HSF1: variants seen among roughly 807,000 people sequenced by gnomAD.
The protein encoded by HSF1 is heat shock transcription factor 1, also known as heat shock factor protein 1.
Under a neutral mutation model 51.7 loss-of-function variants are expected in HSF1, and 32 were observed. The ratio of observed to expected loss-of-function variants is 0.62; its 90% confidence interval spans 0.47 to 0.83. The LOEUF (loss-of-function observed/expected upper bound fraction) is 0.83. Ranked by LOEUF, HSF1 falls within the 40% of genes least tolerant of loss-of-function variation. The pLI is 0.00. For synonymous variants in HSF1, 396 were observed against 309.7 expected, an observed-to-expected ratio of 1.28 and a Z score of -2.92; for missense variants, 727 against 717.0, an observed-to-expected ratio of 1.01 and a Z score of -0.16.
intron 9 of HSF1, chr8:144,313,234 T>C: frequency 2.1e-6 from 1 of 474,690 alleles, no homozygotes; most frequent in South Asian, 2.6e-5. Flanking sequence ...GTGCTGGAGC[T>C]GAATACGCCC....
intron 9 of HSF1, 126 bp downstream of exon 9, chr8:144,312,370 A>G (rs62530366): frequency 0.36 from 271,884 of 761,490 alleles, 50,891 homozygotes; most frequent in East Asian, 0.48. Flanking sequence ...CCAACCTCGG[A>G]GCTCGGGGCT....
At chr8:144,294,288 C>T (rs1554840931) in intron 1 of HSF1, among the ~76,000 whole-genome samples, 1 of 152,124 alleles carries the variant, frequency 6.6e-6, no homozygotes, top group African/African-American at 2.4e-5. Context: ...ACTTTGAGAG[C>T]ACTCACACAA....
chr8:144,303,728 A>C (rs1402595948), intron 1 of HSF1, among the ~76,000 whole-genome samples: 1 of 152,102 alleles, frequency 6.6e-6, no homozygotes, highest in African/African-American at 2.4e-5. Flanking sequence ...AAATATAAAA[A>C]TAAGCCGGGC....
rs782774400 is a variant in HSF1, at chr8:144,314,340, A to T, written c.*10A>T. On this transcript the variant is annotated 3_prime_UTR_variant, in exon 13 of 13. Transcript: ENST00000528838. ...CCCCACTGTCTCCTAGAGGCCCCGG[A>T]GGAGCTGGGCCAGCCGCCCACCCCC... 6.5e-7 allele frequency: 1 copy of T among 1,542,918 alleles called. No individual in the cohort carries two copies. The highest frequency in any genetic ancestry group is 1.2e-5 in the South Asian group (1 of 83,952).
In HSF1 at chr8:144,297,831, C is replaced by G. The variant is rs1394017613; in HGVS notation, c.117+5957C>G. Reference sequence around the variant, plus strand: ...GGCTGTGGGGCCACCTTGTAGAATACGGCACTGTTCACGTTTTGGGCCAGG... The same window carrying G: ...GGCTGTGGGGCCACCTTGTAGAATAGGGCACTGTTCACGTTTTGGGCCAGG... On this transcript the variant is annotated intron_variant, in intron 1 of 12. Coordinates refer to ENST00000528838, the MANE Select transcript of HSF1 (RefSeq NM_005526.4). This position sits in a 1 kb window ranked among gnomAD's most constrained non-coding sequence, Gnocchi z 4.6. 6.6e-6 allele frequency among the ~76,000 whole-genome samples: 1 copy of G among 152,172 alleles called. No homozygotes were observed. Among genetic ancestry groups the G allele is most frequent in the Non-Finnish European group, 1.5e-5 (1 of 68,030 alleles).
chr8:144,312,608 CTTG>C, intron 9 of HSF1: 1 of 1,533,858 alleles, frequency 6.5e-7, no homozygotes, highest in Non-Finnish European at 8.7e-7. Context: ...AATGGGGGCT[CTTG>C]TTTTTGTATC....
At chr8:144,299,643 C>T (rs1372652191) in intron 1 of HSF1, among the ~76,000 whole-genome samples, 1 of 152,070 alleles carries the variant, frequency 6.6e-6, no homozygotes, top group East Asian at 1.9e-4. Context: ...GGCGTGGTGG[C>T]TCACACCTGT....
chr8:144,311,800 G>A lies in HSF1; in HGVS notation c.824G>A (p.Ser275Asn). The change falls in exon 8 of 13, where the codon AGC (serine) becomes AAC (asparagine). Residue 275 changes from serine to asparagine, a missense_variant. Ser to Asn is a conservative substitution (Grantham distance 46). Transcript: ENST00000528838. ...GACATCACCGAGCTGGCTCCTGCCAGCCCCATGGCCTCCCCCGGCGGGAGC... is the reference window on the plus strand; with the variant it reads ...GACATCACCGAGCTGGCTCCTGCCAACCCCATGGCCTCCCCCGGCGGGAGC... ...ISDITELAPA[S>N]PMASPGGSID... 1 of 1,612,084 alleles carries A rather than the reference G, an allele frequency of 6.2e-7. No individual in the cohort carries two copies. Among genetic ancestry groups the A allele is most frequent in the South Asian group, 1.1e-5 (1 of 90,968 alleles).
In HSF1 at chr8:144,309,622, C is replaced by A. The variant is rs367807963; in HGVS notation, c.363+31C>A. On this transcript the variant is annotated intron_variant, in intron 3 of 12. Coordinates refer to ENST00000528838, the MANE Select transcript of HSF1 (RefSeq NM_005526.4). ...TGCCGGCCCTGCACCCTTGCCCGGTCTCACCTGCCACAGCTCTCCCCGCCC... is the reference window on the plus strand; with the variant it reads ...TGCCGGCCCTGCACCCTTGCCCGGTATCACCTGCCACAGCTCTCCCCGCCC... The A allele has an allele frequency of 1.9e-6, 3 of 1,611,188 alleles. No individual in the cohort carries two copies. The African/African-American group carries it at 4.0e-5, about 22-fold the overall frequency.
intron 9 of HSF1, chr8:144,312,540 G>C (rs1019344918): frequency 8.2e-7 from 1 of 1,215,458 alleles, no homozygotes; most frequent in Non-Finnish European, 1.2e-6. Flanking sequence ...GTGCTGCCCA[G>C]ACACATGGCA....
At chr8:144,301,479 A>G (rs1815864532) in intron 1 of HSF1, among the ~76,000 whole-genome samples, 1 of 152,210 alleles carries the variant, frequency 6.6e-6, no homozygotes, top group Non-Finnish European at 1.5e-5. Context: ...CAAATCCAAG[A>G]ATATCAGTCT....
intron 9 of HSF1, chr8:144,312,760 G>T (rs754030217): frequency 1.4e-5 from 20 of 1,479,072 alleles, no homozygotes; most frequent in Non-Finnish European, 1.6e-5. Flanking sequence ...CCAGCGCTCG[G>T]GCCCTCCCAC....
rs1162674713 is a variant in HSF1 at position 144,312,357 on chromosome 8, C to T, written c.1142+113C>T. ...GGGCAGCTGGCGAGGCAGGACCCTA[C>T]CCCCAACCTCGGAGCTCGGGGCTGG... On this transcript the variant is annotated intron_variant, in intron 9 of 12. Transcript: ENST00000528838. 33 of 852,756 alleles carry T rather than the reference C, an allele frequency of 3.9e-5. No homozygotes were observed. The Admixed American group carries it at 8.2e-4, about 21-fold the overall frequency. The allele number at this position is 852,756 out of a possible 1,614,324, so 52.8% of individuals were successfully genotyped here.
intron 1 of HSF1, among the ~76,000 whole-genome samples, chr8:144,301,781 C>T (rs929816124): frequency 1.3e-5 from 2 of 151,542 alleles, no homozygotes; most frequent in East Asian, 1.9e-4. Context: ...AGGAGAATGG[C>T]GTGAACCCGG....
At chr8:144,309,643 C>CCCCCCCCCCCCCCCCA (rs2130427230) in intron 3 of HSF1, 52 bp downstream of exon 3, 1 of 1,603,300 alleles carries the variant, frequency 6.2e-7, no homozygotes, top group Non-Finnish European at 8.5e-7. Context: ...CAGCTCTCCC[C>CCCCCCCCCCCCCCCCA]GCCCGCCCCT....
intron 1 of HSF1, among the ~76,000 whole-genome samples, chr8:144,292,846 T>C (rs1206103364): frequency 1.3e-5 from 2 of 152,098 alleles, no homozygotes; most frequent in Admixed American, 6.5e-5. Context: ...CCTGTGGTCT[T>C]AGCTACTTGG....
At chr8:144,296,574 G>GGATC (rs1815475179) in intron 1 of HSF1, among the ~76,000 whole-genome samples, 2 of 152,154 alleles carry the variant, frequency 1.3e-5, no homozygotes, top group African/African-American at 4.8e-5. Flanking sequence ...TGAGGTGGGC[G>GGATC]GATCACGAGA....
intron 1 of HSF1, among the ~76,000 whole-genome samples, chr8:144,301,669 A>G (rs553722423): frequency 7.2e-5 from 11 of 152,128 alleles, no homozygotes; most frequent in African/African-American, 2.2e-4. Flanking sequence ...GGTCGAGACC[A>G]TCCTGGCTAA....
Position 144,291,881 on chromosome 8 carries a change from G to C in HSF1, c.117+7G>C. The C allele has an allele frequency of 6.7e-7, 1 of 1,494,506 alleles. No homozygotes were observed. Among genetic ancestry groups the C allele is most frequent in the South Asian group, 1.2e-5 (1 of 80,352 alleles). The allele number at this position is 1,494,506 out of a possible 1,614,324, so 92.6% of individuals were successfully genotyped here. On this transcript the variant is annotated splice_region_variant and intron_variant, in intron 1 of 12. Coordinates refer to ENST00000528838, the MANE Select transcript of HSF1 (RefSeq NM_005526.4). This position sits in a 1 kb window ranked among gnomAD's most constrained non-coding sequence, Gnocchi z 4.1. ...GCTCATCTGCTGGAGCCCGGTGAGG[G>C]CAGCGCGCGGGCGCGGGGCCCGTGG...
Sources: allele counts gnomAD v4.1 joint callset (sites outside exome capture counted in the v4.1 genomes callset), GRCh38; gene constraint gnomAD v4.1.1; non-coding constraint Gnocchi (gnomAD v3.1); transcripts MANE v1.5; gene names NCBI Gene and HGNC (gene_info 2026-07-23, HGNC 2026-07-21).